The following FGF14 variants were observed in gnomAD, a reference collection of about 807,000 sequenced individuals.
FGF14 encodes fibroblast growth factor homologous factor 4.
A neutral mutation model predicts 25.5 loss-of-function variants in FGF14; 5 were observed. That is an observed-to-expected ratio of 0.20 (90% confidence interval 0.10 to 0.41). The LOEUF is 0.41. FGF14 is among the 10% of genes least tolerant of loss of function. FGF14 has a pLI of 1.00. For synonymous variants in FGF14, 138 were observed against 118.3 expected (o/e 1.17, Z -1.08); for missense variants, 222 against 320.1 (o/e 0.69, Z 2.34).
intron 1 of FGF14, among the ~76,000 whole-genome samples, chr13:102,042,433 A>T (rs1379283889): frequency 6.6e-6 from 1 of 152,158 alleles, no homozygotes; most frequent in Non-Finnish European, 1.5e-5. Flanking sequence ...TCTTGTATTT[A>T]ATATTAACTC....
rs566919362 is a variant in FGF14 at position 101,716,018 on chromosome 13, T to G, written c.*6813A>C. 1.2e-4 allele frequency: 29 copies of G among 235,874 alleles called. No homozygotes were observed. In the South Asian group the frequency reaches 1.7e-3, roughly 14 times the overall value. 14.6% of individuals were successfully genotyped at this position (235,874 alleles called of 1,614,324 possible). ...TAGAGGCCAGGGATGCTGCTGAGCA[T>G]CCCGCAGTGTACAGGACAGCCCCCA... On this transcript the variant is annotated 3_prime_UTR_variant, in exon 5 of 5. Transcript: ENST00000376143.
At chr13:102,104,540 C>CTGAG (rs2044811456) in intron 1 of FGF14, among the ~76,000 whole-genome samples, 1 of 152,152 alleles carries the variant, frequency 6.6e-6, no homozygotes, top group African/African-American at 2.4e-5. Context: ...CCTTGGAAGG[C>CTGAG]TGAGACAGGT....
intron 1 of FGF14, among the ~76,000 whole-genome samples, chr13:101,968,288 A>C (rs939263674): frequency 1.3e-5 from 2 of 152,216 alleles, no homozygotes; most frequent in African/African-American, 2.4e-5. Flanking sequence ...AAGTCTAAAA[A>C]ATATTTTTTG....
chr13:102,369,400 G>T (rs1189913238), intron 1 of FGF14, among the ~76,000 whole-genome samples: 1 of 152,216 alleles, frequency 6.6e-6, no homozygotes, highest in Non-Finnish European at 1.5e-5. Context: ...GAGATGTGCT[G>T]TGGGAATACA....
chr13:102,319,301 T>C (rs551958580), intron 1 of FGF14, among the ~76,000 whole-genome samples: 1 of 152,234 alleles, frequency 6.6e-6, no homozygotes, highest in South Asian at 2.1e-4. Context: ...AATCCATGTC[T>C]AATCATAGTT....
intron 1 of FGF14, among the ~76,000 whole-genome samples, chr13:101,958,595 A>G (rs565261713): frequency 3.3e-4 from 51 of 152,322 alleles, no homozygotes; most frequent in African/African-American, 1.2e-3. Flanking sequence ...ATTAATTCTT[A>G]TCTCACAAGT....
At chr13:101,981,562 T>C (rs2038267055) in intron 1 of FGF14, among the ~76,000 whole-genome samples, 1 of 152,090 alleles carries the variant, frequency 6.6e-6, no homozygotes, top group African/African-American at 2.4e-5. Context: ...AACATACTAG[T>C]AAAGTAAGCC....
intron 3 of FGF14, among the ~76,000 whole-genome samples, chr13:101,792,572 C>T (rs2140097204): frequency 6.6e-6 from 1 of 152,190 alleles, no homozygotes; most frequent in South Asian, 2.1e-4. Context: ...GATTTATGCC[C>T]CAAATAGACT....
chr13:101,807,611 T>C (rs2140164915), intron 3 of FGF14, among the ~76,000 whole-genome samples: 1 of 152,182 alleles, frequency 6.6e-6, no homozygotes, highest in South Asian at 2.1e-4. Context: ...AATATATATA[T>C]GCTCTAGGTA....
chr13:102,008,353 T>C (rs1340043458), intron 1 of FGF14, among the ~76,000 whole-genome samples: 1 of 152,196 alleles, frequency 6.6e-6, no homozygotes, highest in African/African-American at 2.4e-5. Flanking sequence ...ACTCCACCTT[T>C]ATTAAAAGTC....
At chr13:102,262,829 G>A (rs2052782071) in intron 1 of FGF14, among the ~76,000 whole-genome samples, 1 of 152,090 alleles carries the variant, frequency 6.6e-6, no homozygotes, top group South Asian at 2.1e-4. Context: ...GTGATTGATT[G>A]ATTGATTTTT....
At chr13:102,050,621 A>C (rs1050270359) in intron 1 of FGF14, among the ~76,000 whole-genome samples, 1 of 152,184 alleles carries the variant, frequency 6.6e-6, no homozygotes, top group Admixed American at 6.5e-5. Flanking sequence ...AGTCACCAAG[A>C]TGTCACCAAG....
intron 1 of FGF14, among the ~76,000 whole-genome samples, chr13:102,096,379 G>A (rs2044400869): frequency 6.6e-6 from 1 of 152,012 alleles, no homozygotes; most frequent in South Asian, 2.1e-4. Flanking sequence ...GCCAAGGACA[G>A]TCTGACTTAT....
intron 1 of FGF14, among the ~76,000 whole-genome samples, chr13:101,894,634 C>T (rs923741576): frequency 3.3e-5 from 5 of 152,160 alleles, no homozygotes; most frequent in African/African-American, 9.7e-5. Flanking sequence ...TACCCACTGA[C>T]AGATTTCATT....
At chr13:102,126,316 C>T (rs1344356886) in intron 1 of FGF14, among the ~76,000 whole-genome samples, 1 of 152,172 alleles carries the variant, frequency 6.6e-6, no homozygotes, top group Non-Finnish European at 1.5e-5. Context: ...TGGAATCATA[C>T]AATATGTGTC....
intron 1 of FGF14, among the ~76,000 whole-genome samples, chr13:102,108,967 A>C (rs1009690729): frequency 1.4e-5 from 2 of 138,150 alleles, no homozygotes; most frequent in Non-Finnish European, 3.1e-5. Flanking sequence ...ACTAACAAGG[A>C]AAAAACCAGA....
intron 1 of FGF14, among the ~76,000 whole-genome samples, chr13:102,170,023 T>C (rs2048182138): frequency 6.6e-6 from 1 of 152,176 alleles, no homozygotes; most frequent in African/African-American, 2.4e-5. Flanking sequence ...TATGAGTTTG[T>C]GGCAGAAACA....
intron 1 of FGF14, among the ~76,000 whole-genome samples, chr13:102,399,875 A>G (rs1293715532): frequency 6.6e-6 from 1 of 152,134 alleles, no homozygotes; most frequent in Non-Finnish European, 1.5e-5. Flanking sequence ...CGGAGCAGCC[A>G]GAGGCTACTA....
intron 1 of FGF14, among the ~76,000 whole-genome samples, chr13:102,228,807 G>T (rs1238726690): frequency 6.6e-6 from 1 of 152,042 alleles, no homozygotes; most frequent in African/African-American, 2.4e-5. Context: ...CTGCTATACT[G>T]TCTTCTAAAC....
Sources: gnomAD v4.1 joint callset for allele counts (sites outside exome capture counted in the v4.1 genomes callset) on GRCh38, gnomAD v4.1.1 for gene constraint, MANE v1.5 for transcripts, NCBI Gene and HGNC (gene_info 2026-07-23, HGNC 2026-07-21) for gene names.